Variants in SYNDIG1 observed in about 807,000 individuals in gnomAD.
SYNDIG1 encodes the protein synapse differentiation inducing 1.
Under a neutral mutation model 19.4 loss-of-function variants are expected in SYNDIG1, and 9 were observed. The ratio of observed to expected loss-of-function variants is 0.46; its 90% CI spans 0.28 to 0.81. SYNDIG1 has a LOEUF of 0.81. SYNDIG1 is among the 30% of genes least tolerant of loss of function. The probability of loss-of-function intolerance (pLI) is 0.12; values close to 1 mark genes in which losing one functional copy is unlikely to be tolerated. For missense variants in SYNDIG1, 311 were observed against 343.3 expected, an observed-to-expected ratio of 0.91 and a Z score of 0.74; for synonymous variants, 141 against 145.9, an observed-to-expected ratio of 0.97 and a Z score of 0.24.
intron 3 of SYNDIG1, among the ~76,000 whole-genome samples, chr20:24,621,787 G>C (rs1469051794): frequency 3.3e-5 from 5 of 152,088 alleles, no homozygotes; most frequent in Non-Finnish European, 7.4e-5. Flanking sequence ...AAAACCACAA[G>C]ACATATACTC....
At chr20:24,613,359 G>C (rs1201585580) in intron 3 of SYNDIG1, among the ~76,000 whole-genome samples, 1 of 152,126 alleles carries the variant, frequency 6.6e-6, no homozygotes, top group African/African-American at 2.4e-5. Context: ...CTGGACAGCC[G>C]CTCTCTGTCC....
At chr20:24,615,945 C>T (rs1384827808) in intron 3 of SYNDIG1, among the ~76,000 whole-genome samples, 1 of 151,890 alleles carries the variant, frequency 6.6e-6, no homozygotes, top group African/African-American at 2.4e-5. Flanking sequence ...TTATCAACCT[C>T]TACCTGAAAT....
chr20:24,533,033 G>C (rs761888339), intron 1 of SYNDIG1, among the ~76,000 whole-genome samples: 1 of 152,050 alleles, frequency 6.6e-6, no homozygotes, highest in Non-Finnish European at 1.5e-5. Flanking sequence ...TCCCCAGCAC[G>C]TGGGAGAGAA....
chr20:24,528,258 A>G (rs1434487608), intron 1 of SYNDIG1, among the ~76,000 whole-genome samples: 1 of 152,204 alleles, frequency 6.6e-6, no homozygotes, highest in South Asian at 2.1e-4. Flanking sequence ...TTTGTAAAGT[A>G]TCCTAAGTAT....
At chr20:24,602,812 T>A (rs1448413330) in intron 3 of SYNDIG1, among the ~76,000 whole-genome samples, 1 of 152,240 alleles carries the variant, frequency 6.6e-6, no homozygotes, top group Non-Finnish European at 1.5e-5. Flanking sequence ...TATTTCTGTT[T>A]CCTTAATTGT....
chr20:24,612,207 C>T (rs1049556933), intron 3 of SYNDIG1, among the ~76,000 whole-genome samples: 1 of 152,216 alleles, frequency 6.6e-6, no homozygotes, highest in Admixed American at 6.5e-5. Context: ...AGCACGGACG[C>T]CTCCCAAGAC....
At chr20:24,529,995 T>A (rs1334062255) in intron 1 of SYNDIG1, among the ~76,000 whole-genome samples, 161 of 982 alleles carry the variant, frequency 0.16, no homozygotes, top group Admixed American at 0.24. Context: ...GGTGATGGTG[T>A]CAGTGGTGGG....
chr20:24,637,240 G>A (rs921691555), intron 3 of SYNDIG1, among the ~76,000 whole-genome samples: 1 of 152,256 alleles, frequency 6.6e-6, no homozygotes, highest in Non-Finnish European at 1.5e-5. Context: ...GAACAGAGGA[G>A]TGAACAGCGA....
intron 3 of SYNDIG1, among the ~76,000 whole-genome samples, chr20:24,613,977 C>G (rs780075663): frequency 6.6e-6 from 1 of 152,140 alleles, no homozygotes; most frequent in Non-Finnish European, 1.5e-5. Flanking sequence ...TGATCGCCAG[C>G]GGGGTTGGGC....
chr20:24,594,035 A>G (rs1568669814), intron 3 of SYNDIG1, among the ~76,000 whole-genome samples: 1 of 152,120 alleles, frequency 6.6e-6, no homozygotes, highest in Non-Finnish European at 1.5e-5. Context: ...TCTTTAGTTT[A>G]ATTGGTATGG....
chr20:24,582,167 T>A (rs754662090), intron 2 of SYNDIG1, among the ~76,000 whole-genome samples: 4 of 114,480 alleles, frequency 3.5e-5, no homozygotes, highest in Non-Finnish European at 7.0e-5. Context: ...CTGCACTCCC[T>A]CCCGATTGCA....
rs146450288 is a variant in SYNDIG1 at position 24,656,219 on chromosome 20, A to G, written c.619-9127A>G. 2.2e-4 allele frequency among the ~76,000 whole-genome samples: 34 copies of G among 152,334 alleles called. 1 individual carries two copies. In the East Asian group the frequency reaches 6.2e-3, roughly 28 times the overall value. ...TCTATGAGTGTTCCACTTGGTATAC[A>G]GTCATATGGGAGATGTATATCACAT... On this transcript the variant is annotated intron_variant, in intron 3 of 3. Transcript: ENST00000376862.
intron 3 of SYNDIG1, among the ~76,000 whole-genome samples, chr20:24,655,001 A>G (rs2059510819): frequency 6.6e-6 from 1 of 152,178 alleles, no homozygotes; most frequent in African/African-American, 2.4e-5. Context: ...CCCACGCATG[A>G]TGTTCCGAAG....
intron 1 of SYNDIG1, among the ~76,000 whole-genome samples, chr20:24,504,639 G>A (rs1401391832): frequency 1.3e-5 from 2 of 152,134 alleles, no homozygotes; most frequent in Non-Finnish European, 2.9e-5. Flanking sequence ...GAATGAATCC[G>A]GATCCAAACT....
At chr20:24,515,781 T>G (rs2056849044) in intron 1 of SYNDIG1, among the ~76,000 whole-genome samples, 1 of 152,196 alleles carries the variant, frequency 6.6e-6, no homozygotes, top group African/African-American at 2.4e-5. Flanking sequence ...ATTTATAGAT[T>G]CAATGCCATC....
At chr20:24,559,533 A>G (rs2057894624) in intron 2 of SYNDIG1, among the ~76,000 whole-genome samples, 1 of 152,240 alleles carries the variant, frequency 6.6e-6, no homozygotes, top group Non-Finnish European at 1.5e-5. Flanking sequence ...ATACAGTATT[A>G]TATAGTTACC....
chr20:24,470,524 A>G (rs962550363), intron 1 of SYNDIG1, among the ~76,000 whole-genome samples: 2 of 152,134 alleles, frequency 1.3e-5, no homozygotes, highest in East Asian at 1.9e-4. Context: ...TTTGGTTCCA[A>G]TTTGAATCTC....
chr20:24,570,395 A>G (rs2146937903), intron 2 of SYNDIG1, among the ~76,000 whole-genome samples: 1 of 152,360 alleles, frequency 6.6e-6, no homozygotes, highest in Admixed American at 6.5e-5. Flanking sequence ...ATATTTGTAA[A>G]TTGCATATCT....
chr20:24,537,152 C>G (rs562223753), intron 1 of SYNDIG1, among the ~76,000 whole-genome samples: 1 of 152,178 alleles, frequency 6.6e-6, no homozygotes, highest in African/African-American at 2.4e-5. Flanking sequence ...TCTCCAGCCT[C>G]CTCCTCTGCT....
Sources: allele counts gnomAD v4.1 joint callset (sites outside exome capture counted in the v4.1 genomes callset), GRCh38; gene constraint gnomAD v4.1.1; transcripts MANE v1.5; gene names NCBI Gene and HGNC (gene_info 2026-07-23, HGNC 2026-07-21).